The following APPL1 variants were observed in gnomAD, a reference collection of about 807,000 sequenced individuals.
APPL1 encodes the protein DCC-interacting protein 13-alpha.
APPL1 carries 42 observed loss-of-function variants against 106.8 expected under a neutral mutation model. The ratio of observed to expected loss-of-function variants is 0.39; its 90% CI spans 0.31 to 0.51. The LOEUF is 0.51. Among genes scored for constraint, APPL1 ranks in the 20% least tolerant of loss-of-function variants. The pLI, the probability that APPL1 is intolerant of heterozygous loss-of-function variation, is 0.75. For synonymous variants in APPL1, 263 were observed against 281.8 expected, an observed-to-expected ratio of 0.93 and a Z score of 0.67; for missense variants, 769 against 858.2, an observed-to-expected ratio of 0.90 and a Z score of 1.30.
chr3:57,238,229 C>T (rs1376403623), intron 4 of APPL1, 113 bp downstream of exon 4: 3 of 667,516 alleles, frequency 4.5e-6, no homozygotes. Context: ...AAAGAGGAAC[C>T]TTAATTCCAC....
At chr3:57,250,715 A>G (rs1280592568) in intron 11 of APPL1, among the ~76,000 whole-genome samples, 1 of 152,102 alleles carries the variant, frequency 6.6e-6, no homozygotes, top group African/African-American at 2.4e-5. Context: ...AGTATAATTT[A>G]AACATTTTCC....
At chr3:57,267,178 T>C (rs918733608) in intron 19 of APPL1, among the ~76,000 whole-genome samples, 1 of 152,234 alleles carries the variant, frequency 6.6e-6, no homozygotes, top group Admixed American at 6.5e-5. Flanking sequence ...CTTTCATCAG[T>C]GTTTTGTAGT....
intron 1 of APPL1, among the ~76,000 whole-genome samples, chr3:57,232,264 ATAT>A (rs2060690605): frequency 6.6e-6 from 1 of 152,242 alleles, no homozygotes; most frequent in Non-Finnish European, 1.5e-5. Context: ...TTTTTGCATA[ATAT>A]GAATTAATCA....
At chr3:57,244,010 G>A (rs1251095397) in intron 7 of APPL1, among the ~76,000 whole-genome samples, 1 of 152,066 alleles carries the variant, frequency 6.6e-6, no homozygotes, top group Non-Finnish European at 1.5e-5. Flanking sequence ...GCATGCAGGT[G>A]GACTAGGAAC....
chr3:57,243,453 C>T (rs947114653), intron 7 of APPL1, among the ~76,000 whole-genome samples: 2 of 152,162 alleles, frequency 1.3e-5, no homozygotes, highest in Non-Finnish European at 2.9e-5. Flanking sequence ...TGTCTTTCTC[C>T]AGCATCTAGT....
rs1387634574 is a variant in APPL1, at chr3:57,257,395, C to G, written c.1397C>G (p.Pro466Arg). Residue 466 changes from proline to arginine, a missense_variant, in exon 15 of 22, where the codon CCT (proline) becomes CGT (arginine). Coordinates refer to ENST00000288266, the MANE Select transcript of APPL1 (RefSeq NM_012096.3). The stretch of plus-strand genomic sequence containing the variant: ...ATTTCTCCTGTGTGTGAAGATCAGC[C>G]TGGCCAGGCAAAAGCCTTTGGCCAG... ...DIISPVCEDQPGQAKAFGQGG... is the reference protein window; with the variant it reads ...DIISPVCEDQRGQAKAFGQGG... 1 of 1,613,812 alleles carries G rather than the reference C, an allele frequency of 6.2e-7. No individual in the cohort carries two copies. Among genetic ancestry groups the G allele is most frequent in the Non-Finnish European group, 8.5e-7 (1 of 1,179,882 alleles).
Position 57,242,164 on chromosome 3 carries a change from C to A in APPL1, c.415+22C>A, listed in dbSNP as rs569438057. 3.4e-5 allele frequency: 54 copies of A among 1,571,178 alleles called. No individual in the cohort carries two copies. The Middle Eastern group carries it at 6.7e-4, about 20-fold the overall frequency. The stretch of plus-strand genomic sequence containing the variant: ...AATGGTAAGCCCTATAATTTGCACA[C>A]TTATTTCTTGCAGTGATGTATTTGT... On this transcript the variant is annotated intron_variant, in intron 6 of 21. Transcript: ENST00000288266.
chr3:57,259,956 G>A lies in APPL1; in HGVS notation c.1595G>A (p.Arg532Gln), dbSNP rs753409035. Residue 532 changes from arginine to glutamine, a missense_variant, in exon 17 of 22, where the codon CGG becomes CAG. Arg to Gln is a conservative substitution (Grantham distance 43). Transcript: ENST00000288266. Reference sequence around the variant, plus strand: ...ACTATGCGCCAAATCTTAGCTGCCCGGGCCATCCATAACATCTTTCGTATG... The same window carrying A: ...ACTATGCGCCAAATCTTAGCTGCCCAGGCCATCCATAACATCTTTCGTATG... ...YETMRQILAA[R>Q]AIHNIFRMTE... 8.1e-6 allele frequency: 13 copies of A among 1,613,804 alleles called. No individual in the cohort carries two copies. The highest frequency in any genetic ancestry group is 3.3e-5 in the Admixed American group (2 of 59,962).
intron 11 of APPL1, among the ~76,000 whole-genome samples, chr3:57,252,034 G>A (rs2060807827): frequency 6.6e-6 from 1 of 152,126 alleles, no homozygotes; most frequent in Non-Finnish European, 1.5e-5. Context: ...ATCAGCACCT[G>A]TTCCCTTTTT....
rs542129239 is a variant in APPL1 at position 57,240,774 on chromosome 3, G to A, written c.373+222G>A. Among the ~76,000 whole-genome samples the A allele has an allele frequency of 2.0e-3, 300 of 152,308 alleles. 5 individuals carry two copies. Among genetic ancestry groups the A allele is most frequent in the Middle Eastern group, 6.8e-3 (2 of 294 alleles). On this transcript the variant is annotated intron_variant, in intron 5 of 21. Transcript: ENST00000288266. ...CCTCTTTTGAGAAATTCTAGAGAAG[G>A]AAGTGGGCACATGCATAATTACAAC... is the stretch of plus-strand genomic sequence containing the variant.
Position 57,249,384 on chromosome 3 carries a change from C to G in APPL1, c.888C>G (p.Thr296=). The G allele has an allele frequency of 6.2e-7, 1 of 1,614,154 alleles. No homozygotes were observed. Among genetic ancestry groups the G allele is most frequent in the South Asian group, 1.1e-5 (1 of 91,080 alleles). Reference sequence around the variant, plus strand: ...GTAAAACAGGCTTGGTGTCATCTACCTGGGACAGACAGTTTTACTTCACGC... The same window carrying G: ...GTAAAACAGGCTTGGTGTCATCTACGTGGGACAGACAGTTTTACTTCACGC... The part of the protein sequence containing the change: ...ARNKTGLVSS[T]WDRQFYFTQG... Residue 296 remains threonine, a synonymous_variant, in exon 11 of 22, where the codon ACC becomes ACG. Coordinates refer to ENST00000288266, the MANE Select transcript of APPL1 (RefSeq NM_012096.3).
At chr3:57,254,593 G>A (rs2060824987) in intron 13 of APPL1, among the ~76,000 whole-genome samples, 1 of 152,186 alleles carries the variant, frequency 6.6e-6, no homozygotes, top group Admixed American at 6.5e-5. Flanking sequence ...TACAAATGCA[G>A]AAATGGCAGG....
At position 57,253,672 on chromosome 3, in the gene APPL1, C is replaced by T; in HGVS notation, c.1096-10C>T. The T allele has an allele frequency of 7.0e-7, 1 of 1,418,746 alleles. No homozygotes were observed. The highest frequency in any genetic ancestry group is 9.3e-7 in the Non-Finnish European group (1 of 1,079,242). The allele number at this position is 1,418,746 out of a possible 1,614,324, so 87.9% of individuals were successfully genotyped here. A position where few individuals can be genotyped will look rare whatever the true frequency, so the allele number is the denominator to read the frequency against. On this transcript the variant is annotated splice_polypyrimidine_tract_variant and intron_variant, in intron 12 of 21. Coordinates refer to ENST00000288266, the MANE Select transcript of APPL1 (RefSeq NM_012096.3). ...AAAAAATTATATTTTTCTATTTTTT[C>T]CTCTTGCAGTGGATCTGTACAATAA...
At chr3:57,252,893 C>G (rs2060812449) in intron 12 of APPL1, among the ~76,000 whole-genome samples, 1 of 152,208 alleles carries the variant, frequency 6.6e-6, no homozygotes, top group East Asian at 1.9e-4. Flanking sequence ...GAAAATGTAT[C>G]TTAGCTTGAT....
chr3:57,232,365 A>G (rs1321457894), intron 1 of APPL1, among the ~76,000 whole-genome samples: 1 of 152,242 alleles, frequency 6.6e-6, no homozygotes, highest in African/African-American at 2.4e-5. Flanking sequence ...GCTATCAGCC[A>G]GGTAGCAGTA....
At chr3:57,262,816 GTGTGT>G (rs2060874056) in intron 19 of APPL1, among the ~76,000 whole-genome samples, 6 of 15,888 alleles carry the variant, frequency 3.8e-4, no homozygotes, top group African/African-American at 1.0e-3. Context: ...TACAAGGGGT[GTGTGT>G]GTGTGTGTGT....
At chr3:57,235,695 T>C (rs2060712875) in intron 2 of APPL1, 31 bp downstream of exon 2, 6 of 1,510,094 alleles carry the variant, frequency 4.0e-6, no homozygotes, top group Non-Finnish European at 5.5e-6. Context: ...TTGATGCTTT[T>C]AAAACACGAA....
intron 19 of APPL1, among the ~76,000 whole-genome samples, chr3:57,262,846 GTA>G (rs1162660345): frequency 1.2e-5 from 1 of 81,868 alleles, no homozygotes; most frequent in Non-Finnish European, 2.2e-5. Context: ...GTGTGTGTGT[GTA>G]TGCATTTTTT....
At position 57,228,930 on chromosome 3, in the gene APPL1, A is replaced by G. The variant is rs1046383975; in HGVS notation, c.54+993A>G. On this transcript the variant is annotated intron_variant, in intron 1 of 21. Transcript: ENST00000288266. This position sits in a 1 kb window ranked among gnomAD's most constrained non-coding sequence, Gnocchi z 4.6. ...TACAGTTGAACATGGCCCCCAAAGA[A>G]GAAAAGCAGAAGAGGTCTAGATCTC... 2.0e-5 allele frequency among the ~76,000 whole-genome samples: 3 copies of G among 152,260 alleles called. No individual in the cohort carries two copies. The highest frequency in any genetic ancestry group is 7.2e-5 in the African/African-American group (3 of 41,474).
Sources: allele counts gnomAD v4.1 joint callset (sites outside exome capture counted in the v4.1 genomes callset), GRCh38; gene constraint gnomAD v4.1.1; non-coding constraint Gnocchi (gnomAD v3.1); transcripts MANE v1.5; gene names NCBI Gene and HGNC (gene_info 2026-07-23, HGNC 2026-07-21).